ZNF804A: variants seen among roughly 807,000 people sequenced by gnomAD.
The protein encoded by ZNF804A is zinc finger protein 804A.
In ZNF804A, 2 loss-of-function variants were observed where a neutral mutation model predicts 16.5. That is an observed-to-expected ratio of 0.12 (90% confidence interval 0.05 to 0.38). The LOEUF is 0.38. Ranked by LOEUF, ZNF804A falls within the 10% of genes least tolerant of loss-of-function variation. ZNF804A has a pLI of 0.99. For synonymous variants in ZNF804A, 534 were observed against 489.6 expected, an observed-to-expected ratio of 1.09 and a Z score of -1.20; for missense variants, 1,473 against 1,390.7, an observed-to-expected ratio of 1.06 and a Z score of -0.94.
chr2:184,618,762 A>C (rs359881), intron 1 of ZNF804A, among the ~76,000 whole-genome samples: 1 of 152,078 alleles, frequency 6.6e-6, no homozygotes, highest in African/African-American at 2.4e-5. Context: ...GTTTATACCT[A>C]GAAGTGCACC....
intron 2 of ZNF804A, among the ~76,000 whole-genome samples, chr2:184,914,547 T>C (rs890780998): frequency 9.9e-5 from 15 of 152,162 alleles, no homozygotes; most frequent in African/African-American, 1.7e-4. Context: ...AATTTCCTAA[T>C]AACAGAAATT....
At chr2:184,767,201 T>C (rs996784152) in intron 1 of ZNF804A, among the ~76,000 whole-genome samples, 3 of 152,100 alleles carry the variant, frequency 2.0e-5, no homozygotes, top group African/African-American at 7.2e-5. Flanking sequence ...ACAACCCAAA[T>C]GTCCACTGGT....
chr2:184,784,808 T>C (rs1694422592), intron 1 of ZNF804A, among the ~76,000 whole-genome samples: 1 of 151,968 alleles, frequency 6.6e-6, no homozygotes, highest in South Asian at 2.1e-4. Flanking sequence ...ATATGATTCA[T>C]CCGAGGAATA....
At chr2:184,609,957 G>C (rs1691210057) in intron 1 of ZNF804A, among the ~76,000 whole-genome samples, 3 of 152,264 alleles carry the variant, frequency 2.0e-5, no homozygotes, top group South Asian at 4.1e-4. Context: ...AAAAAACTTT[G>C]TCCCCACTGC....
chr2:184,676,268 T>A (rs1692431228), intron 1 of ZNF804A, among the ~76,000 whole-genome samples: 1 of 151,140 alleles, frequency 6.6e-6, no homozygotes, highest in Admixed American at 6.6e-5. Context: ...ATGAATTATT[T>A]AGCTAGGATA....
chr2:184,713,482 G>A (rs539333780), intron 1 of ZNF804A, among the ~76,000 whole-genome samples: 1 of 151,926 alleles, frequency 6.6e-6, no homozygotes, highest in African/African-American at 2.4e-5. Flanking sequence ...TGTCTTCCAT[G>A]AGTGATAATA....
chr2:184,679,398 TGGAGCTGGAG>T (rs965797561), intron 1 of ZNF804A, among the ~76,000 whole-genome samples: 2 of 152,186 alleles, frequency 1.3e-5, no homozygotes, highest in Admixed American at 1.3e-4. Context: ...GCATGCTCCA[TGGAGCTGGAG>T]GGAGCTGGGG....
intron 1 of ZNF804A, among the ~76,000 whole-genome samples, chr2:184,694,473 A>G (rs977324792): frequency 5.9e-5 from 9 of 152,302 alleles, no homozygotes; most frequent in Admixed American, 2.0e-4. Flanking sequence ...TATAACATAC[A>G]GATAGATACA....
intron 1 of ZNF804A, among the ~76,000 whole-genome samples, chr2:184,713,877 A>C (rs1318450596): frequency 6.6e-6 from 1 of 152,028 alleles, no homozygotes; most frequent in East Asian, 1.9e-4. Flanking sequence ...GATGAAATTA[A>C]ATTCATATTT....
At chr2:184,829,427 A>G (rs1442399138) in intron 1 of ZNF804A, among the ~76,000 whole-genome samples, 5 of 152,022 alleles carry the variant, frequency 3.3e-5, no homozygotes, top group Admixed American at 3.3e-4. Context: ...ATAAGAGTAT[A>G]AGAATTGCTA....
chr2:184,799,948 C>G (rs1429780267), intron 1 of ZNF804A, among the ~76,000 whole-genome samples: 1 of 151,808 alleles, frequency 6.6e-6, no homozygotes, highest in African/African-American at 2.4e-5. Context: ...GGTCCTGATG[C>G]TTTTTTTATG....
chr2:184,604,617 G>T (rs185223138), intron 1 of ZNF804A, among the ~76,000 whole-genome samples: 1 of 152,282 alleles, frequency 6.6e-6, no homozygotes, highest in East Asian at 1.9e-4. Flanking sequence ...GGGTTGAAAT[G>T]AAGTTGGAAG....
At chr2:184,701,407 T>C (rs1692917400) in intron 1 of ZNF804A, among the ~76,000 whole-genome samples, 2 of 151,974 alleles carry the variant, frequency 1.3e-5, no homozygotes, top group Non-Finnish European at 2.9e-5. Flanking sequence ...AATAAAACGT[T>C]TCCAAAATAA....
At chr2:184,783,138 G>GTT (rs57207733) in intron 1 of ZNF804A, among the ~76,000 whole-genome samples, 48,593 of 85,366 alleles carry the variant, frequency 0.57, 17,180 homozygotes, top group East Asian at 0.73. Flanking sequence ...AAAAGAGTGA[G>GTT]TTTTTTTTTT....
chr2:184,737,218 G>A (rs116702303), intron 1 of ZNF804A, among the ~76,000 whole-genome samples: 6,228 of 151,484 alleles, frequency 0.041, 422 homozygotes, highest in African/African-American at 0.14. Flanking sequence ...CACCATGCCC[G>A]GTTAATTTTT....
Position 184,939,184 on chromosome 2 carries a change from C to CA in ZNF804A, c.*161dup, listed in dbSNP as rs1574280398. The CA allele has an allele frequency of 1.2e-6, 1 of 826,114 alleles. No homozygotes were observed. 51.2% of individuals were successfully genotyped at this position (826,114 alleles called of 1,614,324 possible). On this transcript the variant is annotated 3_prime_UTR_variant, in exon 4 of 4. Transcript: ENST00000302277. ...ATCATTTACTGTAAGTGCAATGATG[C>CA]AAATAAATCCCTAAGTTTCTGATAT...
chr2:184,721,691 C>G (rs774821749), intron 1 of ZNF804A, among the ~76,000 whole-genome samples: 2 of 151,972 alleles, frequency 1.3e-5, no homozygotes, highest in African/African-American at 4.8e-5. Flanking sequence ...TCTCAAAAAG[C>G]TAAAGCTACA....
At chr2:184,635,898 T>C (rs1386414112) in intron 1 of ZNF804A, among the ~76,000 whole-genome samples, 1 of 152,164 alleles carries the variant, frequency 6.6e-6, no homozygotes, top group African/African-American at 2.4e-5. Flanking sequence ...TTAATTTGCA[T>C]CTATTGTGCC....
chr2:184,803,812 C>G (rs1694760353), intron 1 of ZNF804A, among the ~76,000 whole-genome samples: 1 of 150,578 alleles, frequency 6.6e-6, no homozygotes, highest in Non-Finnish European at 1.5e-5. Flanking sequence ...GTGTATCTGT[C>G]TTCACATGGC....
Sources: gnomAD v4.1 joint callset for allele counts (sites outside exome capture counted in the v4.1 genomes callset) on GRCh38, gnomAD v4.1.1 for gene constraint, MANE v1.5 for transcripts, NCBI Gene and HGNC (gene_info 2026-07-23, HGNC 2026-07-21) for gene names.